ENTPD6: variants seen among roughly 807,000 people sequenced by gnomAD.
ENTPD6 encodes ectonucleoside triphosphate diphosphohydrolase 6, also known as CD39 antigen-like 2.
A neutral mutation model predicts 61.5 loss-of-function variants in ENTPD6; 46 were observed. The ratio of observed to expected loss-of-function variants is 0.75; its 90% CI spans 0.59 to 0.96. The LOEUF (loss-of-function observed/expected upper bound fraction) is 0.96, where lower values mean the gene tolerates loss of function less well. Ranked by LOEUF, ENTPD6 falls within the 40% of genes least tolerant of loss-of-function variation. ENTPD6 has a pLI of 0.00. For synonymous variants in ENTPD6, 252 were observed against 255.5 expected, an observed-to-expected ratio of 0.99 and a Z score of 0.13; for missense variants, 612 against 629.0, an observed-to-expected ratio of 0.97 and a Z score of 0.29.
chr20:25,209,972 CA>C, intron 4 of ENTPD6, 47 bp downstream of exon 4: 1 of 1,491,454 alleles, frequency 6.7e-7, no homozygotes, highest in Non-Finnish European at 9.4e-7. Context: ...AGAATGTGTT[CA>C]AGCCAGTTCT....
At position 25,215,683 on chromosome 20, in the gene ENTPD6, G is replaced by A. The variant is rs746736920; in HGVS notation, c.681G>A (p.Ser227=). ...TGTGACACTCTCTTGCAGGCGTTTC[G>A]GCGTGGATCACCATCAACTTCCTGA... ...SIMNGTDEGV[S]AWITINFLTG... is the part of the protein sequence containing the mutation. The change falls in exon 7 of 15, where the codon TCG becomes TCA. Residue 227 remains serine, a synonymous_variant. Transcript: ENST00000376652. 13 of 1,614,150 alleles carry A rather than the reference G, an allele frequency of 8.1e-6. No individual in the cohort carries two copies. The highest frequency in any genetic ancestry group is 1.3e-5 in the African/African-American group (1 of 75,040).
rs1438907641 is a variant in ENTPD6 at position 25,226,708 on chromosome 20, A to T, written c.*1111A>T. 1 of 152,302 alleles carries T rather than the reference A, an allele frequency of 6.6e-6. No homozygotes were observed. Among genetic ancestry groups the T allele is most frequent in the African/African-American group, 2.4e-5 (1 of 41,452 alleles). The allele number at this position is 152,302 out of a possible 1,614,324, so 9.4% of individuals were successfully genotyped here. A position where few individuals can be genotyped will look rare whatever the true frequency, so the allele number is the denominator to read the frequency against. Reference sequence around the variant, plus strand: ...GTGTTCCACTCCCAATAAAAGGTTGACAGGGGCTTCTCCTTCTCTGGGATT... The same window carrying T: ...GTGTTCCACTCCCAATAAAAGGTTGTCAGGGGCTTCTCCTTCTCTGGGATT... On this transcript the variant is annotated 3_prime_UTR_variant, in exon 15 of 15. Transcript: ENST00000376652.
intron 3 of ENTPD6, among the ~76,000 whole-genome samples, chr20:25,207,722 A>G (rs181252195): frequency 1.6e-4 from 25 of 152,326 alleles, no homozygotes; most frequent in African/African-American, 5.5e-4. Context: ...TGGGGAGTTC[A>G]GGCAGGAAGT....
rs2092819695 is a variant in ENTPD6, at chr20:25,227,701, CT to C, written c.*2106del. Among the ~76,000 whole-genome samples, 1 of 152,256 alleles carries C rather than the reference CT, an allele frequency of 6.6e-6. No individual in the cohort carries two copies. Among genetic ancestry groups the C allele is most frequent in the African/African-American group, 2.4e-5 (1 of 41,466 alleles). On this transcript the variant is annotated 3_prime_UTR_variant, in exon 15 of 15. Transcript: ENST00000376652. ...ACCCCAGCCCGCGTACCCCACATCA[CT>C]TAGCACCCATTGCTGCCCACTGAGC... is the stretch of plus-strand genomic sequence containing the variant.
intron 1 of ENTPD6, among the ~76,000 whole-genome samples, chr20:25,203,732 G>A (rs562480997): frequency 1.3e-5 from 2 of 152,310 alleles, no homozygotes; most frequent in East Asian, 3.9e-4. Flanking sequence ...TCCAGTGCCT[G>A]CATTTCTTCA....
At chr20:25,216,498 T>C in intron 7 of ENTPD6, 150 bp from the exon 8 acceptor site, 1 of 609,116 alleles carries the variant, frequency 1.6e-6, no homozygotes, top group Non-Finnish European at 3.0e-6. Flanking sequence ...CCCTTAGATA[T>C]ATAGTGTACC....
In ENTPD6 at chr20:25,207,388, C is replaced by A; in HGVS notation, c.367C>A (p.Pro123Thr). The A allele has an allele frequency of 1.3e-6, 2 of 1,533,486 alleles. No individual in the cohort carries two copies. The highest frequency in any genetic ancestry group is 1.3e-5 in the South Asian group (1 of 79,084). The allele number at this position is 1,533,486 out of a possible 1,614,324, so 95.0% of individuals were successfully genotyped here. The change falls in exon 3 of 15, where the codon CCC (proline) becomes ACC (threonine). Residue 123 changes from proline (P) to threonine (T), a missense_variant. Transcript: ENST00000376652. ...TRVHVFQFTRPPRETPTLTHE... is the reference protein window; with the variant it reads ...TRVHVFQFTRTPRETPTLTHE... ...AGTACACGTCTTCCAGTTCACCCGG[C>A]CCCCCAGAGGTACCCGCCTCTCATG...
rs186478275 is a variant in ENTPD6, at chr20:25,208,452, A to T, written c.376+1055A>T. Among the ~76,000 whole-genome samples, 1,190 of 151,472 alleles carry T rather than the reference A, an allele frequency of 7.9e-3. 62 individuals are homozygous for T. Among genetic ancestry groups the T allele is most frequent in the Admixed American group, 0.072 (1,090 of 15,156 alleles). On this transcript the variant is annotated intron_variant, in intron 3 of 14. Transcript: ENST00000376652. ...CAAGAGTGAAACTTGATCTCAAAAA[A>T]TTTTTTTTTAAGTGGAACTTTTTAA... is the stretch of plus-strand genomic sequence containing the variant.
intron 9 of ENTPD6, among the ~76,000 whole-genome samples, chr20:25,218,037 G>A (rs867589196): frequency 6.6e-4 from 92 of 138,710 alleles, no homozygotes; most frequent in East Asian, 1.3e-3. Context: ...TACAGTATAC[G>A]CACATTCACC....
Position 25,227,386 on chromosome 20 carries a change from T to G in ENTPD6, c.*1789T>G, listed in dbSNP as rs2092815099. Among the ~76,000 whole-genome samples the G allele has an allele frequency of 6.6e-6, 1 of 152,132 alleles. No individual in the cohort carries two copies. The highest frequency in any genetic ancestry group is 1.5e-5 in the Non-Finnish European group (1 of 68,034). On this transcript the variant is annotated 3_prime_UTR_variant, in exon 15 of 15. Coordinates refer to ENST00000376652, the MANE Select transcript of ENTPD6 (RefSeq NM_001247.5). ...CAGACGCATGAAGGTAAAGCCAAAA[T>G]CAATTTGGTCCATTTAAAGAAGGTC...
chr20:25,223,120 T>A, intron 12 of ENTPD6, 142 bp downstream of exon 12: 1 of 921,514 alleles, frequency 1.1e-6, no homozygotes, highest in Non-Finnish European at 1.6e-6. Flanking sequence ...GAAGCAGATT[T>A]GAGAAGGCGT....
In ENTPD6 at chr20:25,216,739, A is replaced by G. The variant is rs1331886528; in HGVS notation, c.798+3A>G. ...TCGCCTTCCTGCCACGCGTGGAGGT[A>G]ACAAGCCCTGCCGACCACAGCGCTC... On this transcript the variant is annotated splice_donor_region_variant and intron_variant, in intron 8 of 14. Coordinates refer to ENST00000376652, the MANE Select transcript of ENTPD6 (RefSeq NM_001247.5). 8.2e-6 allele frequency: 13 copies of G among 1,587,734 alleles called. No homozygotes were observed. In the South Asian group the frequency reaches 1.5e-4, roughly 18 times the overall value.
intron 12 of ENTPD6, chr20:25,223,876 T>C (rs952112265): frequency 9.8e-6 from 4 of 408,116 alleles, no homozygotes; most frequent in Non-Finnish European, 1.8e-5. Context: ...CACTGCAGGG[T>C]TGGGTTGTGG....
chr20:25,207,237 C>G lies in ENTPD6; in HGVS notation c.216C>G (p.Phe72Leu), dbSNP rs2091576554. 9.9e-6 allele frequency: 16 copies of G among 1,614,018 alleles called. No homozygotes were observed. The highest frequency in any genetic ancestry group is 1.4e-5 in the Non-Finnish European group (16 of 1,180,036). The change falls in exon 3 of 15, where the codon TTC becomes TTG. Residue 72 changes from phenylalanine to leucine, a missense_variant. By Grantham distance (22) the Phe-to-Leu change is conservative. Transcript: ENST00000376652. Reference sequence around the variant, plus strand: ...GGGCCACCGCCACCCAGGCCTTCTTCAGCATCACCAGGGCAGCCCCGGGGG... The same window carrying G: ...GGGCCACCGCCACCCAGGCCTTCTTGAGCATCACCAGGGCAGCCCCGGGGG... ...WHRATATQAF[F>L]SITRAAPGAR...
chr20:25,199,085 G>T (rs972551236), intron 1 of ENTPD6, among the ~76,000 whole-genome samples: 2 of 152,162 alleles, frequency 1.3e-5, no homozygotes, highest in African/African-American at 4.8e-5. Context: ...ACAGGTGCTG[G>T]CTGAGCAGCT....
intron 8 of ENTPD6, 58 bp downstream of exon 8, chr20:25,216,794 G>T (rs1033580683): frequency 7.1e-7 from 1 of 1,407,462 alleles, no homozygotes. Context: ...CCGCCATGGG[G>T]GTGCAGGGTG....
intron 10 of ENTPD6, among the ~76,000 whole-genome samples, chr20:25,220,191 G>A (rs1289950434): frequency 6.6e-6 from 1 of 152,226 alleles, no homozygotes; most frequent in Non-Finnish European, 1.5e-5. Context: ...GACCCCCCAA[G>A]TAGAGTGAAA....
At chr20:25,221,497 C>A in intron 11 of ENTPD6, 164 bp downstream of exon 11, 1 of 701,004 alleles carries the variant, frequency 1.4e-6, no homozygotes, top group South Asian at 1.5e-5. Context: ...GCTGCAGGGG[C>A]CTGTGTCTGT....
Position 25,207,272 on chromosome 20 carries a change from G to T in ENTPD6, c.251G>T (p.Gly84Val), listed in dbSNP as rs938534827. 2.5e-6 allele frequency: 4 copies of T among 1,613,372 alleles called. No individual in the cohort carries two copies. The highest frequency in any genetic ancestry group is 3.4e-6 in the Non-Finnish European group (4 of 1,179,582). The change falls in exon 3 of 15, where the codon GGT becomes GTT. Residue 84 changes from glycine to valine, a missense_variant. Coordinates refer to ENST00000376652, the MANE Select transcript of ENTPD6 (RefSeq NM_001247.5). ...ITRAAPGARW[G>V]QQAHSPLGTA... Reference sequence around the variant, plus strand: ...AGGGCAGCCCCGGGGGCCCGGTGGGGTCAGCAGGCCCACAGCCCCCTGGGG... The same window carrying T: ...AGGGCAGCCCCGGGGGCCCGGTGGGTTCAGCAGGCCCACAGCCCCCTGGGG...
Sources: gnomAD v4.1 joint callset for allele counts (sites outside exome capture counted in the v4.1 genomes callset) on GRCh38, gnomAD v4.1.1 for gene constraint, MANE v1.5 for transcripts, NCBI Gene and HGNC (gene_info 2026-07-23, HGNC 2026-07-21) for gene names.